Variants in DSG1 observed in about 807,000 individuals in gnomAD.
The protein encoded by DSG1 is desmoglein 1.
A neutral mutation model predicts 97.5 loss-of-function variants in DSG1; 39 were observed. That is an observed-to-expected ratio of 0.40 (90% CI 0.31 to 0.52). The LOEUF (loss-of-function observed/expected upper bound fraction) is 0.52. DSG1 is among the 20% of genes least tolerant of loss of function. DSG1 has a pLI of 0.53. For synonymous variants in DSG1, 475 were observed against 443.4 expected (o/e 1.07, Z -0.90); for missense variants, 1,311 against 1,295.4 (o/e 1.01, Z -0.18).
rs2071777627 is a variant in DSG1 at position 31,339,858 on chromosome 18, A to G, written c.1520A>G (p.Gln507Arg). The stretch of plus-strand genomic sequence containing the variant: ...AAAATTACTACCAATACTGGCAGAC[A>G]AGAAAGTACTTCTTCCACTAACTAT... The part of the protein sequence containing the change: ...NTKITTNTGR[Q>R]ESTSSTNYDT... The change falls in exon 11 of 15, where the codon CAA becomes CGA. Residue 507 changes from glutamine (Q) to arginine (R), a missense_variant. Physicochemically the swap from Gln to Arg is conservative, Grantham distance 43 (BLOSUM62 1). Transcript: ENST00000257192. The G allele has an allele frequency of 1.9e-6, 3 of 1,614,132 alleles. No homozygotes were observed. The highest frequency in any genetic ancestry group is 2.5e-6 in the Non-Finnish European group (3 of 1,180,002).
chr18:31,320,803 T>C (rs1305536284), intron 1 of DSG1, among the ~76,000 whole-genome samples: 2 of 152,216 alleles, frequency 1.3e-5, no homozygotes, highest in African/African-American at 4.8e-5. Context: ...TGTGCATGTA[T>C]ATGACAATGG....
rs2071687475 is a variant in DSG1, at chr18:31,326,612, T to A, written c.80T>A (p.Ile27Asn). ...GTAGAAGTTAACAGTGAATTCCGAA[T>A]CCAGGTAATATATAACAAATCCATT... ...VVVEVNSEFR[I>N]QVRDYNTKNG... is the part of the protein sequence containing the mutation. The change falls in exon 2 of 15, where the codon ATC becomes AAC. Residue 27 changes from isoleucine to asparagine, a missense_variant. By Grantham distance (149) the Ile-to-Asn change is moderately radical. Transcript: ENST00000257192. 6.2e-7 allele frequency: 1 copy of A among 1,603,372 alleles called. No homozygotes were observed. The highest frequency in any genetic ancestry group is 8.5e-7 in the Non-Finnish European group (1 of 1,170,872).
chr18:31,339,152 A>G (rs1051705983), intron 10 of DSG1, among the ~76,000 whole-genome samples: 4 of 152,200 alleles, frequency 2.6e-5, no homozygotes, highest in Non-Finnish European at 4.4e-5. Flanking sequence ...CTAATAATTA[A>G]ATATTGAAAA....
rs2071957129 is a variant in DSG1 at position 31,356,233 on chromosome 18, A to C, written c.*887A>C. On this transcript the variant is annotated 3_prime_UTR_variant, in exon 15 of 15. Coordinates refer to ENST00000257192, the MANE Select transcript of DSG1 (RefSeq NM_001942.4). ...AGTGAGGCCTGACATGGTTGTCATC[A>C]CTAGTGGCAAATGACCTTCCAAGTA... The C allele has an allele frequency of 6.6e-6, 1 of 152,232 alleles. No homozygotes were observed. Among genetic ancestry groups the C allele is most frequent in the South Asian group, 2.1e-4 (1 of 4,838 alleles). 9.4% of individuals were successfully genotyped at this position (152,232 alleles called of 1,614,324 possible).
intron 6 of DSG1, 49 bp downstream of exon 6, chr18:31,331,916 T>G (rs1320957268): frequency 6.4e-7 from 1 of 1,567,714 alleles, no homozygotes; most frequent in South Asian, 1.1e-5. Flanking sequence ...GAACTGATTC[T>G]AAAAGCAAGG....
In DSG1 at chr18:31,318,230, G is replaced by C. The variant is rs932491909; in HGVS notation, c.-71G>C. On this transcript the variant is annotated 5_prime_UTR_variant, in exon 1 of 15. Transcript: ENST00000257192. ...ATTTTAATCAGACACCAGCTGAGTG[G>C]GAGAAAGAAAAAGAACAGAGAAGAA... The C allele has an allele frequency of 5.3e-6, 7 of 1,317,066 alleles. No homozygotes were observed. Among genetic ancestry groups the C allele is most frequent in the Non-Finnish European group, 7.7e-6 (7 of 909,494 alleles). The allele number at this position is 1,317,066 out of a possible 1,614,324, so 81.6% of individuals were successfully genotyped here.
At chr18:31,343,813 G>C (rs2071807246) in intron 12 of DSG1, 113 bp from the exon 13 acceptor site, 1 of 1,157,674 alleles carries the variant, frequency 8.6e-7, no homozygotes, top group Non-Finnish European at 1.3e-6. Context: ...TTCCTAAATA[G>C]TATTTTTTTT....
At chr18:31,331,104 C>T (rs943399329) in intron 5 of DSG1, among the ~76,000 whole-genome samples, 1 of 151,966 alleles carries the variant, frequency 6.6e-6, no homozygotes, top group Non-Finnish European at 1.5e-5. Context: ...AGAGACAGGA[C>T]AATATGTGTA....
At chr18:31,318,968 G>T (rs1314770194) in intron 1 of DSG1, among the ~76,000 whole-genome samples, 1 of 152,032 alleles carries the variant, frequency 6.6e-6, no homozygotes, top group Non-Finnish European at 1.5e-5. Context: ...GTTTATAAAT[G>T]ACATATTAAG....
At chr18:31,325,295 T>C (rs1372965882) in intron 1 of DSG1, among the ~76,000 whole-genome samples, 1 of 152,224 alleles carries the variant, frequency 6.6e-6, no homozygotes, top group Admixed American at 6.5e-5. Flanking sequence ...CTTAGTCATC[T>C]GCATAGCTTT....
intron 14 of DSG1, among the ~76,000 whole-genome samples, chr18:31,347,236 A>C (rs1314261759): frequency 6.6e-6 from 1 of 152,198 alleles, no homozygotes; most frequent in Non-Finnish European, 1.5e-5. Flanking sequence ...AAACCATAGG[A>C]ATACTTATTC....
In DSG1 at chr18:31,355,257, C is replaced by A; in HGVS notation, c.3061C>A (p.His1021Asn). 6.2e-7 allele frequency: 1 copy of A among 1,612,376 alleles called. No homozygotes were observed. The highest frequency in any genetic ancestry group is 1.7e-4 in the Middle Eastern group (1 of 6,050). The change falls in exon 15 of 15, where the codon CAT becomes AAT. Residue 1021 changes from histidine (H) to asparagine (N), a missense_variant. By Grantham distance (68) the His-to-Asn change is moderately conservative (BLOSUM62 1). Coordinates refer to ENST00000257192, the MANE Select transcript of DSG1 (RefSeq NM_001942.4). ...SIGHMRSSSDHHFNQTIGSAS... is the reference protein window; with the variant it reads ...SIGHMRSSSDNHFNQTIGSAS... ...TGGCCACATGAGGAGTTCCTCTGAC[C>A]ATCACTTTAACCAAACCATTGGGTC...
At chr18:31,337,066 G>A (rs1007349198) in intron 9 of DSG1, among the ~76,000 whole-genome samples, 2 of 152,052 alleles carry the variant, frequency 1.3e-5, no homozygotes. Context: ...GTGAAAATTC[G>A]GTTATATTAA....
At chr18:31,331,151 T>C (rs966390943) in intron 5 of DSG1, among the ~76,000 whole-genome samples, 1 of 152,116 alleles carries the variant, frequency 6.6e-6, no homozygotes, top group Admixed American at 6.6e-5. Flanking sequence ...CTAATTACCT[T>C]GCACTTGACG....
In DSG1 at chr18:31,344,020, A is replaced by C. The variant is rs11660224; in HGVS notation, c.1891+25A>C. On this transcript the variant is annotated intron_variant, in intron 13 of 14. Transcript: ENST00000257192. Reference sequence around the variant, plus strand: ...GGTAAGAAAAAAGAATTTGTTTAACATCTCAAATGCTTAAGTAGGAAGTCT... The same window carrying C: ...GGTAAGAAAAAAGAATTTGTTTAACCTCTCAAATGCTTAAGTAGGAAGTCT... 0.52 allele frequency: 787,546 copies of C among 1,519,522 alleles called. 207,465 individuals are homozygous for C. The highest frequency in any genetic ancestry group is 0.58 in the South Asian group (51,294 of 88,798). 94.1% of individuals were successfully genotyped at this position (1,519,522 alleles called of 1,614,324 possible).
rs1568046460 is a variant in DSG1 at position 31,346,014 on chromosome 18, G to A, written c.1916G>A (p.Gly639Asp). The change falls in exon 14 of 15, where the codon GGC becomes GAC. Residue 639 changes from glycine to aspartate, a missense_variant. By Grantham distance (94) the Gly-to-Asp change is moderately conservative. Around this residue, in one of 3 missense-constraint regions of DSG1, gnomAD observed 1,038 missense variants for 964.6 expected, o/e 1.08. Transcript: ENST00000257192. ...NSGVYTNEYG[G>D]REMQDLGGGE... ...GGAGTTTATACAAATGAGTATGGTG[G>A]CAGAGAAATGCAAGATCTGGGAGGA... is the stretch of plus-strand genomic sequence containing the variant. The A allele has an allele frequency of 4.3e-6, 7 of 1,613,634 alleles. No homozygotes were observed. Among genetic ancestry groups the A allele is most frequent in the Non-Finnish European group, 5.1e-6 (6 of 1,179,772 alleles).
At position 31,336,632 on chromosome 18, in the gene DSG1, A is replaced by C; in HGVS notation, c.1265+19A>C. On this transcript the variant is annotated intron_variant, in intron 9 of 14. Coordinates refer to ENST00000257192, the MANE Select transcript of DSG1 (RefSeq NM_001942.4). ...CTGTTAGGTAAGAATGAGATTTTCA[A>C]CTAATTTTCCTTACATATTGAACTT... 6.2e-7 allele frequency: 1 copy of C among 1,613,782 alleles called. No individual in the cohort carries two copies. The highest frequency in any genetic ancestry group is 8.5e-7 in the Non-Finnish European group (1 of 1,179,778).
chr18:31,323,764 A>G (rs1384352521), intron 1 of DSG1, among the ~76,000 whole-genome samples: 1 of 152,016 alleles, frequency 6.6e-6, no homozygotes, highest in Non-Finnish European at 1.5e-5. Context: ...AAGCAAGTGC[A>G]TGTTCCATCC....
At chr18:31,351,838 C>A (rs1478661737) in intron 14 of DSG1, among the ~76,000 whole-genome samples, 3 of 152,064 alleles carry the variant, frequency 2.0e-5, no homozygotes, top group Non-Finnish European at 4.4e-5. Flanking sequence ...CTTCCTCCAC[C>A]CTTTTATTTT....
Sources: gnomAD v4.1 joint callset for allele counts (sites outside exome capture counted in the v4.1 genomes callset) on GRCh38, gnomAD v4.1.1 for gene constraint, gnomAD v4.1.1 regional missense constraint, MANE v1.5 for transcripts, NCBI Gene and HGNC (gene_info 2026-07-23, HGNC 2026-07-21) for gene names.